The following C6orf163 variants were observed in gnomAD, a reference collection of about 807,000 sequenced individuals.
C6orf163 encodes uncharacterized protein C6orf163.
Under a neutral mutation model 28.4 loss-of-function variants are expected in C6orf163, and 22 were observed. That is an observed-to-expected ratio of 0.78 (90% confidence interval 0.55 to 1.11). The LOEUF is 1.11. C6orf163 is among the 50% of genes least tolerant of loss of function. C6orf163 has a pLI of 0.00. For synonymous variants in C6orf163, 110 were observed against 123.6 expected (o/e 0.89, Z 0.73); for missense variants, 342 against 389.1 (o/e 0.88, Z 1.02).
chr6:87,349,349 A>C (rs1351197091), intron 2 of C6orf163, among the ~76,000 whole-genome samples: 1 of 152,174 alleles, frequency 6.6e-6, no homozygotes, highest in Admixed American at 6.5e-5. Flanking sequence ...TTTGTGGAGC[A>C]TGTAACACTC....
chr6:87,349,682 T>G (rs745384975), intron 2 of C6orf163, among the ~76,000 whole-genome samples: 2 of 152,362 alleles, frequency 1.3e-5, no homozygotes, highest in Middle Eastern at 3.4e-3. Context: ...TCAGTATTCA[T>G]GCCAGCAAAA....
intron 4 of C6orf163, 181 bp downstream of exon 4, chr6:87,356,684 GAAA>G: frequency 1.7e-6 from 1 of 581,764 alleles, no homozygotes; most frequent in Non-Finnish European, 3.0e-6. Context: ...GTGGTTTAAA[GAAA>G]AATAATAACA....
chr6:87,360,084 A>C (rs1218481364), intron 4 of C6orf163, among the ~76,000 whole-genome samples: 1 of 151,782 alleles, frequency 6.6e-6, no homozygotes, highest in East Asian at 1.9e-4. Flanking sequence ...GGATCCAAAA[A>C]CTCTGGGCCT....
intron 4 of C6orf163, among the ~76,000 whole-genome samples, chr6:87,359,828 C>T (rs138071116): frequency 4.5e-4 from 69 of 152,226 alleles, no homozygotes; most frequent in Admixed American, 5.2e-4. Context: ...CCCTGAAATA[C>T]GGTGTGTATT....
At chr6:87,345,286 A>G (rs998456302) in intron 1 of C6orf163, 39 bp downstream of exon 1, 14 of 1,477,306 alleles carry the variant, frequency 9.5e-6, no homozygotes, top group Non-Finnish European at 1.2e-5. Flanking sequence ...CTAATGCTTC[A>G]TAGCCTTATG....
chr6:87,362,765 A>T (rs1470294236), intron 4 of C6orf163, among the ~76,000 whole-genome samples: 1 of 152,154 alleles, frequency 6.6e-6, no homozygotes, highest in Non-Finnish European at 1.5e-5. Flanking sequence ...TGCATCTTGG[A>T]GGATGGAATT....
At chr6:87,347,126 T>A (rs1454994965) in intron 1 of C6orf163, among the ~76,000 whole-genome samples, 2 of 152,228 alleles carry the variant, frequency 1.3e-5, no homozygotes, top group Non-Finnish European at 2.9e-5. Flanking sequence ...GCTGTCACTC[T>A]CTTCTCCCCA....
In C6orf163 at chr6:87,345,231, T is replaced by C. The variant is rs1777304835; in HGVS notation, c.132T>C (p.Thr44=). 1 of 1,528,244 alleles carries C rather than the reference T, an allele frequency of 6.5e-7. No homozygotes were observed. The highest frequency in any genetic ancestry group is 8.7e-7 in the Non-Finnish European group (1 of 1,144,618). 94.7% of individuals were successfully genotyped at this position (1,528,244 alleles called of 1,614,324 possible). ...EYKPLKTRFY[T]HKDILDIGAN... Reference sequence around the variant, plus strand: ...AGCCACTTAAGACACGCTTTTACACTCACAAAGACATACTAGGTAAGTGAC... The same window carrying C: ...AGCCACTTAAGACACGCTTTTACACCCACAAAGACATACTAGGTAAGTGAC... The change falls in exon 1 of 5, where the codon ACT becomes ACC. Residue 44 remains threonine (T), a synonymous_variant. Transcript: ENST00000388923.
At position 87,350,432 on chromosome 6, in the gene C6orf163, T is replaced by TGAA; in HGVS notation, c.287_289dup (p.Glu96dup). On this transcript the variant is annotated inframe_insertion, in exon 3 of 5. Coordinates refer to ENST00000388923, the MANE Select transcript of C6orf163 (RefSeq NM_001010868.3). ...AAAAACAAGCAGTGGAGAAAGCACT[T>TGAA]GAAGAAGCAAATGACAGACACAAAA... 6.5e-7 allele frequency: 1 copy of TGAA among 1,535,720 alleles called. No individual in the cohort carries two copies.
chr6:87,365,245 A>C lies in C6orf163; in HGVS notation c.839A>C (p.Glu280Ala). The change falls in exon 5 of 5, where the codon GAG (glutamate) becomes GCG (alanine). Residue 280 changes from glutamate to alanine, a missense_variant. Coordinates refer to ENST00000388923, the MANE Select transcript of C6orf163 (RefSeq NM_001010868.3). ...ACAAATTGGAAAGATTTCCTAGAGG[A>C]GGAATTACAGGAAACCAGGATGGCA... is the stretch of plus-strand genomic sequence containing the variant. ...IMTNWKDFLE[E>A]ELQETRMAFQ... 11 of 1,551,716 alleles carry C rather than the reference A, an allele frequency of 7.1e-6. No individual in the cohort carries two copies. The highest frequency in any genetic ancestry group is 9.6e-6 in the Non-Finnish European group (11 of 1,146,988).
In C6orf163 at chr6:87,364,970, G is replaced by A; in HGVS notation, c.564G>A (p.Val188=). 1 of 1,540,554 alleles carries A rather than the reference G, an allele frequency of 6.5e-7. No individual in the cohort carries two copies. Among genetic ancestry groups the A allele is most frequent in the Non-Finnish European group, 8.8e-7 (1 of 1,139,868 alleles). The change falls in exon 5 of 5, where the codon GTG becomes GTA. Residue 188 remains valine, a synonymous_variant. Coordinates refer to ENST00000388923, the MANE Select transcript of C6orf163 (RefSeq NM_001010868.3). The part of the protein sequence containing the change: ...EAIQAQKSKA[V]EEIVNTGVTV... Reference sequence around the variant, plus strand: ...ATATTATCTTTTGTAGCAAAGCCGTGGAGGAAATTGTGAATACTGGTGTCA... The same window carrying A: ...ATATTATCTTTTGTAGCAAAGCCGTAGAGGAAATTGTGAATACTGGTGTCA...
intron 3 of C6orf163, among the ~76,000 whole-genome samples, chr6:87,352,360 C>G (rs1440344756): frequency 6.6e-6 from 1 of 152,122 alleles, no homozygotes; most frequent in African/African-American, 2.4e-5. Context: ...CCATCAGCAT[C>G]CCAAGTGATT....
chr6:87,351,726 C>T (rs1777415515), intron 3 of C6orf163, among the ~76,000 whole-genome samples: 1 of 152,320 alleles, frequency 6.6e-6, no homozygotes, highest in Admixed American at 6.5e-5. Context: ...TAAATAGTTA[C>T]CCGCTAAGCC....
intron 3 of C6orf163, among the ~76,000 whole-genome samples, chr6:87,351,864 G>A (rs941333527): frequency 6.6e-6 from 1 of 152,210 alleles, no homozygotes; most frequent in Non-Finnish European, 1.5e-5. Flanking sequence ...GCTGCAGCCA[G>A]AGGCCATTCA....
intron 1 of C6orf163, 54 bp from the exon 2 acceptor site, chr6:87,348,758 A>G: frequency 6.5e-7 from 1 of 1,527,726 alleles, no homozygotes; most frequent in Non-Finnish European, 8.7e-7. Flanking sequence ...GGTGGAAAGG[A>G]AAGCCAGGAA....
chr6:87,359,358 G>A (rs1024348786), intron 4 of C6orf163, among the ~76,000 whole-genome samples: 4 of 152,226 alleles, frequency 2.6e-5, no homozygotes, highest in African/African-American at 9.6e-5. Flanking sequence ...GGAGGTTCAA[G>A]AGTGTTAACA....
At chr6:87,351,912 T>C (rs1777418637) in intron 3 of C6orf163, among the ~76,000 whole-genome samples, 1 of 152,206 alleles carries the variant, frequency 6.6e-6, no homozygotes, top group African/African-American at 2.4e-5. Context: ...ATACACATTT[T>C]GAATGTCCTT....
At position 87,364,961 on chromosome 6, in the gene C6orf163, C is replaced by T. The variant is rs1310538987; in HGVS notation, c.555C>T (p.Ser185=). ...IAQEAIQAQK[S]KAVEEIVNTG... The stretch of plus-strand genomic sequence containing the variant: ...TATAAATCCATATTATCTTTTGTAG[C>T]AAAGCCGTGGAGGAAATTGTGAATA... The change falls in exon 5 of 5, where the codon AGC becomes AGT. Residue 185 remains serine (S), a splice_region_variant and synonymous_variant. Transcript: ENST00000388923. The T allele has an allele frequency of 6.5e-7, 1 of 1,532,118 alleles. No individual in the cohort carries two copies. The highest frequency in any genetic ancestry group is 8.8e-7 in the Non-Finnish European group (1 of 1,135,764). The allele number at this position is 1,532,118 out of a possible 1,614,324, so 94.9% of individuals were successfully genotyped here.
intron 4 of C6orf163, among the ~76,000 whole-genome samples, chr6:87,363,377 G>A (rs1777605624): frequency 1.3e-5 from 2 of 150,500 alleles, no homozygotes; most frequent in South Asian, 4.2e-4. Context: ...TAAAGTTTTA[G>A]GGTACATGTG....
Sources: gnomAD v4.1 joint callset for allele counts (sites outside exome capture counted in the v4.1 genomes callset) on GRCh38, gnomAD v4.1.1 for gene constraint, MANE v1.5 for transcripts, NCBI Gene and HGNC (gene_info 2026-07-23, HGNC 2026-07-21) for gene names.